The following MED25 variants were observed in gnomAD, a reference collection of about 807,000 sequenced individuals.
MED25 encodes the protein mediator complex subunit 25.
MED25 carries 62 observed loss-of-function variants against 89.4 expected under a neutral mutation model. The observed-to-expected ratio is 0.69, with a 90% CI of 0.57 to 0.86. MED25 has a LOEUF of 0.86. MED25 is among the 40% of genes least tolerant of loss of function. MED25 has a pLI of 0.00. For missense variants in MED25, 905 were observed against 1,005.2 expected, an observed-to-expected ratio of 0.90 and a Z score of 1.35; for synonymous variants, 449 against 427.9, an observed-to-expected ratio of 1.05 and a Z score of -0.61.
In MED25 at chr19:49,818,336, C is replaced by G. The variant is rs1372447576; in HGVS notation, c.-6C>G. The G allele has an allele frequency of 3.2e-6, 5 of 1,577,368 alleles. No homozygotes were observed. Among genetic ancestry groups the G allele is most frequent in the Non-Finnish European group, 4.3e-6 (5 of 1,160,942 alleles). On this transcript the variant is annotated 5_prime_UTR_variant, in exon 1 of 18. Transcript: ENST00000312865. Reference sequence around the variant, plus strand: ...TGCAGTGGTGGTGGCGGGTACCGCACGGGGTATGGTCCCCGGGTCCGAGGG... The same window carrying G: ...TGCAGTGGTGGTGGCGGGTACCGCAGGGGGTATGGTCCCCGGGTCCGAGGG...
chr19:49,828,935 G>A, intron 4 of MED25, 35 bp from the exon 5 acceptor site: 1 of 1,613,312 alleles, frequency 6.2e-7, no homozygotes, highest in Non-Finnish European at 8.5e-7. Context: ...GGCCTCTGTT[G>A]CTGCTGGCTC....
downstream of MED25, chr19:49,838,457 C>T (rs1446882523): frequency 2.5e-6 from 1 of 408,152 alleles, no homozygotes; most frequent in Admixed American, 2.6e-5. Flanking sequence ...CCCACCACTC[C>T]CTCTTGGCTT....
chr19:49,837,974 G>A (rs1215517504), downstream of MED25, among the ~76,000 whole-genome samples: 1 of 152,152 alleles, frequency 6.6e-6, no homozygotes, highest in Non-Finnish European at 1.5e-5. Flanking sequence ...CCTGAAGGAT[G>A]TCCTCAGAGA....
rs929554414 is a variant in MED25, at chr19:49,836,570, C to T, written c.2146+164C>T. The T allele has an allele frequency of 1.1e-6, 1 of 879,528 alleles. No homozygotes were observed. Among genetic ancestry groups the T allele is most frequent in the African/African-American group, 1.7e-5 (1 of 60,236 alleles). 54.5% of individuals were successfully genotyped at this position (879,528 alleles called of 1,614,324 possible). A position where few individuals can be genotyped will look rare whatever the true frequency, so the allele number is the denominator to read the frequency against. On this transcript the variant is annotated intron_variant, in intron 17 of 17. Coordinates refer to ENST00000312865, the MANE Select transcript of MED25 (RefSeq NM_030973.4). The surrounding 1 kb of genome is among the most constrained non-coding windows in gnomAD (Gnocchi z 5.1). ...CTCTGAGGGCTCCGGGAAAGTACAG[C>T]CCATGGGTCCAAGGACCTAGTGGGT...
chr19:49,837,483 C>T (rs1422211518), downstream of MED25, among the ~76,000 whole-genome samples: 1 of 152,178 alleles, frequency 6.6e-6, no homozygotes, highest in Non-Finnish European at 1.5e-5. Flanking sequence ...ATGGTTTGTC[C>T]TGGGGACACA....
At chr19:49,819,802 A>G in intron 3 of MED25, 1 of 200,100 alleles carries the variant, frequency 5.0e-6, no homozygotes, top group South Asian at 7.2e-5. Context: ...GCCAGGATAG[A>G]TCCCTCTGTG....
Position 49,835,965 on chromosome 19 carries a change from T to C in MED25, c.1965+20T>C, listed in dbSNP as rs1568625711. The C allele has an allele frequency of 3.1e-6, 5 of 1,612,154 alleles. No individual in the cohort carries two copies. Among genetic ancestry groups the C allele is most frequent in the Non-Finnish European group, 4.2e-6 (5 of 1,179,794 alleles). On this transcript the variant is annotated intron_variant, in intron 16 of 17. Coordinates refer to ENST00000312865, the MANE Select transcript of MED25 (RefSeq NM_030973.4). The surrounding 1 kb of genome is among the most constrained non-coding windows in gnomAD (Gnocchi z 6.2). ...CCACCGGTGAGATGTTGGGGTGGGGTAGCGAGAGTTCCAGATCCTGGCCCT... is the reference window on the plus strand; with the variant it reads ...CCACCGGTGAGATGTTGGGGTGGGGCAGCGAGAGTTCCAGATCCTGGCCCT...
intron 2 of MED25, 193 bp downstream of exon 2, chr19:49,818,809 G>T: frequency 4.7e-6 from 3 of 645,004 alleles, no homozygotes; most frequent in African/African-American, 3.7e-5. Context: ...AGGCGCTGGG[G>T]CCCGGATTCC....
downstream of MED25, chr19:49,838,888 G>T: frequency 2.5e-6 from 1 of 393,118 alleles, no homozygotes; most frequent in Non-Finnish European, 5.1e-6. Flanking sequence ...CCGGAATCAC[G>T]TGAGAAGAAT....
At chr19:49,824,587 GAAAA>G (rs71180656) in intron 3 of MED25, among the ~76,000 whole-genome samples, 8 of 122,962 alleles carry the variant, frequency 6.5e-5, no homozygotes, top group African/African-American at 2.4e-4. Context: ...CCTGTCTCGG[GAAAA>G]AAAAAAAAAA....
chr19:49,823,569 C>T (rs1196074647), intron 3 of MED25, among the ~76,000 whole-genome samples: 1 of 152,158 alleles, frequency 6.6e-6, no homozygotes, highest in Non-Finnish European at 1.5e-5. Context: ...AAGTTGCTTG[C>T]TGTGTGTCGC....
At chr19:49,826,514 G>A (rs368348491) in intron 3 of MED25, among the ~76,000 whole-genome samples, 2 of 152,122 alleles carry the variant, frequency 1.3e-5, no homozygotes, top group East Asian at 1.9e-4. Flanking sequence ...GGCAGGAAGC[G>A]GAGAGCCCCG....
At chr19:49,832,758 A>C in intron 13 of MED25, 1 of 374,642 alleles carries the variant, frequency 2.7e-6, no homozygotes, top group Non-Finnish European at 5.1e-6. Context: ...AACAACAGAA[A>C]CGTGTTCTAT....
At chr19:49,822,551 G>A (rs2073990405) in intron 3 of MED25, among the ~76,000 whole-genome samples, 1 of 151,826 alleles carries the variant, frequency 6.6e-6, no homozygotes, top group Non-Finnish European at 1.5e-5. Context: ...TGGGATTAGA[G>A]GCATGAGATG....
At chr19:49,839,109 A>G (rs1417270820), downstream of MED25, 1 of 279,074 alleles carries the variant, frequency 3.6e-6, no homozygotes, top group East Asian at 9.7e-5. Context: ...CTGCTCATAA[A>G]CTATTACCAC....
At chr19:49,825,137 T>A (rs1400558093) in intron 3 of MED25, among the ~76,000 whole-genome samples, 1 of 152,244 alleles carries the variant, frequency 6.6e-6, no homozygotes, top group African/African-American at 2.4e-5. Flanking sequence ...TTATTACATG[T>A]CGCCCTTTGA....
chr19:49,838,431 C>T (rs1451407131), downstream of MED25: 1 of 379,388 alleles, frequency 2.6e-6, no homozygotes, highest in East Asian at 7.2e-5. Context: ...CGTGTGCTTT[C>T]TGGTTCGCCA....
In MED25 at chr19:49,831,734, G is replaced by A. The variant is rs2074059003; in HGVS notation, c.1231-202G>A. On this transcript the variant is annotated intron_variant, in intron 10 of 17. Coordinates refer to ENST00000312865, the MANE Select transcript of MED25 (RefSeq NM_030973.4). The surrounding 1 kb of genome is among the most constrained non-coding windows in gnomAD (Gnocchi z 5.0). ...GCGATGTATCATCTGGGGCACAGTG[G>A]ATGGTGGGATTTAGGGGCCGGGCAC... is the stretch of plus-strand genomic sequence containing the variant. Among the ~76,000 whole-genome samples the A allele has an allele frequency of 1.3e-5, 2 of 152,046 alleles. No homozygotes were observed. Among genetic ancestry groups the A allele is most frequent in the Admixed American group, 6.6e-5 (1 of 15,262 alleles).
Position 49,831,364 on chromosome 19 carries a change from G to T in MED25, c.1133G>T (p.Gly378Val). ...AGTVAPGGVSGPSPAQLGAPA... is the reference protein window; with the variant it reads ...AGTVAPGGVSVPSPAQLGAPA... The stretch of plus-strand genomic sequence containing the variant: ...ACTGTGGCCCCAGGAGGGGTGAGCG[G>T]CCCTTCCCCAGCCCAGCTGGGAGCC... The change falls in exon 10 of 18, where the codon GGC becomes GTC. Residue 378 changes from glycine to valine, a missense_variant. By Grantham distance (109) the Gly-to-Val change is moderately radical (BLOSUM62 -3). Transcript: ENST00000312865. This position sits in a 1 kb window ranked among gnomAD's most constrained non-coding sequence, Gnocchi z 5.0. 1 of 1,611,100 alleles carries T rather than the reference G, an allele frequency of 6.2e-7. No homozygotes were observed.
Sources: allele counts gnomAD v4.1 joint callset (sites outside exome capture counted in the v4.1 genomes callset), GRCh38; gene constraint gnomAD v4.1.1; non-coding constraint Gnocchi (gnomAD v3.1); transcripts MANE v1.5; gene names NCBI Gene and HGNC (gene_info 2026-07-23, HGNC 2026-07-21).